PPP1R12A: variants seen among roughly 807,000 people sequenced by gnomAD.
PPP1R12A encodes the protein myosin binding subunit.
A neutral mutation model predicts 139.6 loss-of-function variants in PPP1R12A; 19 were observed. That is an observed-to-expected ratio of 0.14 (90% CI 0.09 to 0.20). The LOEUF is 0.20. Among genes scored for constraint, PPP1R12A ranks in the 10% least tolerant of loss-of-function variants. PPP1R12A has a pLI of 1.00. For missense variants in PPP1R12A, 925 were observed against 1,211.5 expected (o/e 0.76, Z 3.51); for synonymous variants, 427 against 420.6 (o/e 1.02, Z -0.19).
At chr12:79,845,832 C>A (rs967854552) in intron 2 of PPP1R12A, among the ~76,000 whole-genome samples, 9 of 26,626 alleles carry the variant, frequency 3.4e-4, no homozygotes, top group Non-Finnish European at 1.3e-3. Flanking sequence ...GAGCATGTTT[C>A]TTTTTTAAAT....
chr12:79,779,797 G>T, intron 23 of PPP1R12A: 1 of 162,476 alleles, frequency 6.2e-6, no homozygotes, highest in Admixed American at 5.9e-5. Flanking sequence ...TTAAATTAGT[G>T]GTAAAGTAAG....
intron 23 of PPP1R12A, 40 bp downstream of exon 23, chr12:79,781,775 A>C: frequency 2.3e-6 from 3 of 1,291,174 alleles, no homozygotes; most frequent in Non-Finnish European, 3.2e-6. Context: ...ACCTAAAACA[A>C]GAAAGAAAAA....
At chr12:79,807,428 A>ATACT in intron 11 of PPP1R12A, 98 bp from the exon 12 acceptor site, 1 of 735,376 alleles carries the variant, frequency 1.4e-6, no homozygotes, top group South Asian at 1.7e-5. Flanking sequence ...GAAACTAGTA[A>ATACT]AAACCTTTGG....
In PPP1R12A at chr12:79,934,831, G is replaced by A. The variant is rs1231852764; in HGVS notation, c.101C>T (p.Thr34Ile). The A allele has an allele frequency of 4.3e-6, 7 of 1,610,208 alleles. No individual in the cohort carries two copies. The African/African-American group carries it at 8.0e-5, about 18-fold the overall frequency. ...LEPPVVKRQK[T>I]KVKFDDGAVF... ...GGCGCCATCGTCGAACTTCACCTTG[G>A]TCTTCTGGCGCTTCACCACCGGAGG... is the stretch of plus-strand genomic sequence containing the variant. The change falls in exon 1 of 25, where the codon ACC becomes ATC. Residue 34 changes from threonine to isoleucine, a missense_variant. Physicochemically the swap from Thr to Ile is moderately conservative, Grantham distance 89. This residue lies in a region of PPP1R12A where 199 missense variants were observed against 352.4 expected (regional missense o/e 0.56). Coordinates refer to ENST00000450142, the MANE Select transcript of PPP1R12A (RefSeq NM_002480.3).
At chr12:79,902,845 T>C (rs1018246923) in intron 1 of PPP1R12A, among the ~76,000 whole-genome samples, 2 of 152,172 alleles carry the variant, frequency 1.3e-5, no homozygotes, top group Admixed American at 6.5e-5. Flanking sequence ...CCTGACCTTA[T>C]GTGACAGATC....
At chr12:79,874,283 A>G (rs1882885529) in intron 1 of PPP1R12A, among the ~76,000 whole-genome samples, 1 of 152,150 alleles carries the variant, frequency 6.6e-6, no homozygotes, top group Non-Finnish European at 1.5e-5. Context: ...CCAAAAAAAA[A>G]AAAAAGAAAA....
At chr12:79,910,548 TA>T (rs5799446) in intron 1 of PPP1R12A, among the ~76,000 whole-genome samples, 1 of 149,984 alleles carries the variant, frequency 6.7e-6, no homozygotes, top group East Asian at 2.0e-4. Flanking sequence ...ACTTTATTCT[TA>T]AAAAAAAAAA....
chr12:79,861,957 A>G (rs1881381331), intron 2 of PPP1R12A, among the ~76,000 whole-genome samples: 1 of 152,208 alleles, frequency 6.6e-6, no homozygotes, highest in African/African-American at 2.4e-5. Context: ...TGAAGAGAGC[A>G]GTGGCTCTCC....
intron 6 of PPP1R12A, 52 bp from the exon 7 acceptor site, chr12:79,821,218 AC>A: frequency 1.6e-6 from 2 of 1,252,260 alleles, no homozygotes; most frequent in South Asian, 1.3e-5. Context: ...AGATACTATT[AC>A]TAAGATGCAG....
At chr12:79,911,928 G>T (rs2136914882) in intron 1 of PPP1R12A, among the ~76,000 whole-genome samples, 1 of 152,174 alleles carries the variant, frequency 6.6e-6, no homozygotes, top group Non-Finnish European at 1.5e-5. Flanking sequence ...CATTTCTAGG[G>T]TTCTAGTGTG....
intron 9 of PPP1R12A, among the ~76,000 whole-genome samples, chr12:79,816,410 T>TA (rs200054931): frequency 1.1e-4 from 16 of 149,648 alleles, no homozygotes; most frequent in East Asian, 7.8e-4. Context: ...AGGGTTTGGT[T>TA]AAAAAAAAAG....
chr12:79,808,575 C>G lies in PPP1R12A; in HGVS notation c.1458G>C (p.Glu486Asp). 2.5e-6 allele frequency: 4 copies of G among 1,588,364 alleles called. No individual in the cohort carries two copies. Among genetic ancestry groups the G allele is most frequent in the Non-Finnish European group, 3.4e-6 (4 of 1,159,536 alleles). The change falls in exon 11 of 25, where the codon GAG becomes GAC. Residue 486 changes from glutamate to aspartate, a missense_variant and splice_region_variant. By Grantham distance (45) the Glu-to-Asp change is conservative. Around this residue, in one of 4 missense-constraint regions of PPP1R12A, gnomAD observed 403 missense variants for 463.7 expected, o/e 0.87. Coordinates refer to ENST00000450142, the MANE Select transcript of PPP1R12A (RefSeq NM_002480.3). ...CAAGCCTAGTTCCTTTACTATCTTT[C>G]TCCTACACAACAGGGAAAAAAATAA... ...LSSSLDNKEK[E>D]KDSKGTRLAY...
intron 1 of PPP1R12A, among the ~76,000 whole-genome samples, chr12:79,880,289 G>C (rs1028755615): frequency 7.2e-5 from 11 of 152,086 alleles, no homozygotes; most frequent in Non-Finnish European, 1.5e-4. Flanking sequence ...CTACATATTT[G>C]AGCATAATTT....
intron 1 of PPP1R12A, among the ~76,000 whole-genome samples, chr12:79,887,863 G>A (rs1884247273): frequency 6.6e-6 from 1 of 152,064 alleles, no homozygotes. Context: ...ACACCAAAGC[G>A]TTAATTAACA....
At chr12:79,849,934 C>T (rs1181537697) in intron 2 of PPP1R12A, among the ~76,000 whole-genome samples, 4 of 152,070 alleles carry the variant, frequency 2.6e-5, no homozygotes, top group Non-Finnish European at 4.4e-5. Context: ...GCCATCCTAA[C>T]TGCCTCGGCC....
At chr12:79,806,384 T>C (rs1873837771) in intron 12 of PPP1R12A, 51 bp from the exon 13 acceptor site, 3 of 1,512,436 alleles carry the variant, frequency 2.0e-6, no homozygotes, top group Admixed American at 1.9e-5. Context: ...GTGTATTCTA[T>C]AGTTAATGTC....
chr12:79,807,805 G>A (rs971737446), intron 11 of PPP1R12A, among the ~76,000 whole-genome samples: 13 of 151,984 alleles, frequency 8.6e-5, no homozygotes, highest in African/African-American at 2.7e-4. Flanking sequence ...TTGAGAGGCC[G>A]AGACAGGTGG....
chr12:79,929,583 T>C (rs1036028499), intron 1 of PPP1R12A, among the ~76,000 whole-genome samples: 6 of 151,944 alleles, frequency 3.9e-5, no homozygotes, highest in African/African-American at 1.5e-4. Context: ...CTGGCCAACA[T>C]GGTGAAACCC....
intron 9 of PPP1R12A, among the ~76,000 whole-genome samples, chr12:79,816,512 T>C (rs996785113): frequency 6.6e-6 from 1 of 151,924 alleles, no homozygotes; most frequent in Admixed American, 6.6e-5. Context: ...AGGTCAAACA[T>C]AAACAAACAA....
Sources: gnomAD v4.1 joint callset for allele counts (sites outside exome capture counted in the v4.1 genomes callset) on GRCh38, gnomAD v4.1.1 for gene constraint, gnomAD v4.1.1 regional missense constraint, MANE v1.5 for transcripts, NCBI Gene and HGNC (gene_info 2026-07-23, HGNC 2026-07-21) for gene names.